Variants in GRID1 observed in about 807,000 individuals in gnomAD.
GRID1 encodes glutamate ionotropic receptor delta type subunit 1, also known as glutamate receptor ionotropic, delta-1.
In GRID1, 28 loss-of-function variants were observed where a neutral mutation model predicts 98.0. The ratio of observed to expected loss-of-function variants is 0.29; its 90% CI spans 0.21 to 0.39. The LOEUF is 0.39. Among genes scored for constraint, GRID1 ranks in the 10% least tolerant of loss-of-function variants. The pLI is 1.00. For synonymous variants in GRID1, 553 were observed against 538.5 expected (o/e 1.03, Z -0.37); for missense variants, 1,111 against 1,340.5 (o/e 0.83, Z 2.67).
At chr10:86,313,148 G>C (rs1847854342) in intron 2 of GRID1, among the ~76,000 whole-genome samples, 1 of 152,228 alleles carries the variant, frequency 6.6e-6, no homozygotes, top group Admixed American at 6.5e-5. Flanking sequence ...AACTGGGGTT[G>C]AGACTATGCA....
intron 4 of GRID1, among the ~76,000 whole-genome samples, chr10:86,062,271 C>T (rs1373370202): frequency 6.6e-6 from 1 of 152,172 alleles, no homozygotes; most frequent in Non-Finnish European, 1.5e-5. Flanking sequence ...ATCTCATACA[C>T]ACACACAGAC....
intron 5 of GRID1, among the ~76,000 whole-genome samples, chr10:85,904,808 A>G (rs976620345): frequency 7.2e-5 from 11 of 152,220 alleles, no homozygotes; most frequent in African/African-American, 2.6e-4. Flanking sequence ...AAAATTACAC[A>G]AAATAAAATA....
chr10:86,274,838 A>G (rs1847244853), intron 2 of GRID1, among the ~76,000 whole-genome samples: 1 of 151,676 alleles, frequency 6.6e-6, no homozygotes, highest in Non-Finnish European at 1.5e-5. Flanking sequence ...TTCTAGATAT[A>G]CAATCATGTC....
At chr10:85,906,247 A>C (rs908204632) in intron 5 of GRID1, among the ~76,000 whole-genome samples, 1 of 152,176 alleles carries the variant, frequency 6.6e-6, no homozygotes, top group Non-Finnish European at 1.5e-5. Context: ...AAGCTTCCAA[A>C]TATATTAAGC....
chr10:85,955,756 C>T (rs1365722134), intron 4 of GRID1, among the ~76,000 whole-genome samples: 1 of 152,118 alleles, frequency 6.6e-6, no homozygotes, highest in African/African-American at 2.4e-5. Context: ...TCCTGAGCTC[C>T]CTACAAGCCC....
intron 6 of GRID1, among the ~76,000 whole-genome samples, chr10:85,860,187 G>A (rs992739423): frequency 6.6e-6 from 1 of 152,170 alleles, no homozygotes; most frequent in African/African-American, 2.4e-5. Context: ...TGTAGGTTAT[G>A]CACAGTACAG....
intron 8 of GRID1, among the ~76,000 whole-genome samples, chr10:85,840,533 G>C (rs1285916316): frequency 6.6e-6 from 1 of 152,008 alleles, no homozygotes; most frequent in African/African-American, 2.4e-5. Flanking sequence ...AATAGGAGGA[G>C]GAGAAGTTAA....
At chr10:85,859,018 G>A (rs1421760981) in intron 6 of GRID1, among the ~76,000 whole-genome samples, 2 of 152,168 alleles carry the variant, frequency 1.3e-5, no homozygotes, top group Non-Finnish European at 2.9e-5. Flanking sequence ...TGCTTGGAAG[G>A]GTGAATACAT....
At chr10:86,182,523 T>G (rs909576310) in intron 3 of GRID1, among the ~76,000 whole-genome samples, 1 of 152,232 alleles carries the variant, frequency 6.6e-6, no homozygotes, top group African/African-American at 2.4e-5. Flanking sequence ...CACACTAATC[T>G]GTCCCCACCT....
intron 3 of GRID1, among the ~76,000 whole-genome samples, chr10:86,196,668 G>A (rs1411747785): frequency 6.6e-6 from 1 of 152,026 alleles, no homozygotes; most frequent in Non-Finnish European, 1.5e-5. Context: ...TTGAAGCTAT[G>A]GGAAGAACTT....
At chr10:86,017,466 C>T (rs1009731459) in intron 4 of GRID1, among the ~76,000 whole-genome samples, 30 of 152,192 alleles carry the variant, frequency 2.0e-4, no homozygotes, top group Non-Finnish European at 2.1e-4. Context: ...CATCAGCATG[C>T]GGAGACAGAA....
At chr10:85,697,781 A>AT (rs1298355442) in intron 12 of GRID1, among the ~76,000 whole-genome samples, 2 of 152,010 alleles carry the variant, frequency 1.3e-5, no homozygotes, top group African/African-American at 2.4e-5. Context: ...TTTATAGATC[A>AT]TTTTTTTTCT....
chr10:85,996,672 T>G (rs1040156253), intron 4 of GRID1, among the ~76,000 whole-genome samples: 4 of 151,824 alleles, frequency 2.6e-5, no homozygotes, highest in African/African-American at 9.7e-5. Flanking sequence ...CTACTAAAAA[T>G]ATAAAAATTA....
At chr10:86,322,379 A>C (rs1271643664) in intron 2 of GRID1, among the ~76,000 whole-genome samples, 1 of 152,188 alleles carries the variant, frequency 6.6e-6, no homozygotes, top group Non-Finnish European at 1.5e-5. Context: ...TACCACATGC[A>C]AAGTAGAATT....
At chr10:86,163,742 A>T (rs551604050) in intron 3 of GRID1, among the ~76,000 whole-genome samples, 8 of 152,264 alleles carry the variant, frequency 5.3e-5, no homozygotes, top group African/African-American at 1.9e-4. Flanking sequence ...GGGTCAGACA[A>T]TGTTTGTTGA....
intron 2 of GRID1, among the ~76,000 whole-genome samples, chr10:86,350,033 T>C (rs888269779): frequency 6.6e-6 from 1 of 152,190 alleles, no homozygotes; most frequent in African/African-American, 2.4e-5. Context: ...ATCAGAGGCA[T>C]AGCCAAAGGC....
At chr10:86,285,719 A>G (rs1463302475) in intron 2 of GRID1, among the ~76,000 whole-genome samples, 1 of 152,236 alleles carries the variant, frequency 6.6e-6, no homozygotes, top group Non-Finnish European at 1.5e-5. Context: ...GAATAGGTAC[A>G]GATTAGATGT....
intron 2 of GRID1, among the ~76,000 whole-genome samples, chr10:86,226,045 TGC>T (rs1554862987): frequency 1.3e-5 from 2 of 151,996 alleles, no homozygotes; most frequent in Non-Finnish European, 2.9e-5. Context: ...GACAAGACCC[TGC>T]AGGTGGACAG....
At chr10:86,117,328 C>T (rs1250980326) in intron 4 of GRID1, among the ~76,000 whole-genome samples, 2 of 151,342 alleles carry the variant, frequency 1.3e-5, no homozygotes, top group Non-Finnish European at 2.9e-5. Flanking sequence ...ACATCACCAC[C>T]ATCATCACCA....
Sources: gnomAD v4.1 joint callset for allele counts (sites outside exome capture counted in the v4.1 genomes callset) on GRCh38, gnomAD v4.1.1 for gene constraint, MANE v1.5 for transcripts, NCBI Gene and HGNC (gene_info 2026-07-23, HGNC 2026-07-21) for gene names.